Variants in ANTXR1 observed in about 807,000 individuals in gnomAD.
ANTXR1 encodes anthrax toxin receptor 1.
In ANTXR1, 19 loss-of-function variants were observed where a neutral mutation model predicts 78.1. The ratio of observed to expected loss-of-function variants is 0.24; its 90% CI spans 0.17 to 0.36. ANTXR1 has a LOEUF of 0.36. Ranked by LOEUF, ANTXR1 falls within the 10% of genes least tolerant of loss-of-function variation. ANTXR1 has a pLI of 1.00. For synonymous variants in ANTXR1, 273 were observed against 260.5 expected (o/e 1.05, Z -0.46); for missense variants, 518 against 718.6 (o/e 0.72, Z 3.19).
intron 3 of ANTXR1, among the ~76,000 whole-genome samples, chr2:69,055,173 C>A (rs1360139933): frequency 6.6e-6 from 1 of 152,124 alleles, no homozygotes. Context: ...CTGGACAAAT[C>A]CCACCTCAAA....
intron 17 of ANTXR1, among the ~76,000 whole-genome samples, chr2:69,209,575 A>C (rs1478224524): frequency 1.3e-5 from 2 of 152,380 alleles, no homozygotes; most frequent in Non-Finnish European, 2.9e-5. Context: ...AAACAGTGTG[A>C]TGAGTGGAAA....
chr2:69,081,425 C>T (rs546616014), intron 8 of ANTXR1, among the ~76,000 whole-genome samples: 3 of 152,310 alleles, frequency 2.0e-5, no homozygotes, highest in African/African-American at 7.2e-5. Context: ...CTTCAATCCT[C>T]TCTCCTTCAA....
chr2:69,125,668 C>T (rs1381200312), intron 12 of ANTXR1, among the ~76,000 whole-genome samples: 3 of 152,036 alleles, frequency 2.0e-5, no homozygotes, highest in Non-Finnish European at 4.4e-5. Flanking sequence ...TGGTGAAACC[C>T]TATCTCTACA....
chr2:69,121,865 C>T (rs1163503247), intron 10 of ANTXR1, among the ~76,000 whole-genome samples: 1 of 152,080 alleles, frequency 6.6e-6, no homozygotes, highest in Admixed American at 6.6e-5. Flanking sequence ...GTCTCTGGCC[C>T]CAGAAACTGG....
intron 17 of ANTXR1, among the ~76,000 whole-genome samples, chr2:69,243,677 CTTCA>C (rs1305322051): frequency 6.6e-6 from 1 of 152,132 alleles, no homozygotes; most frequent in Non-Finnish European, 1.5e-5. Context: ...ACCTCACCCT[CTTCA>C]TTCTCATTCA....
chr2:69,198,232 C>T lies in ANTXR1; in HGVS notation c.1434+4817C>T, dbSNP rs183954855. 4.6e-5 allele frequency among the ~76,000 whole-genome samples: 7 copies of T among 152,318 alleles called. No homozygotes were observed. The East Asian group carries it at 1.3e-3, about 29-fold the overall frequency. On this transcript the variant is annotated intron_variant, in intron 17 of 17. Transcript: ENST00000303714. ...AAAAGATTATACAAATTAACCCTCA[C>T]ATTAGCCCCCTATGAAACGCCCATC...
intron 13 of ANTXR1, among the ~76,000 whole-genome samples, chr2:69,156,648 A>T (rs1673533083): frequency 6.6e-6 from 1 of 152,238 alleles, no homozygotes; most frequent in African/African-American, 2.4e-5. Context: ...GGAGCGAGGC[A>T]TCTCACATGG....
chr2:69,105,595 G>C (rs1470449969), intron 10 of ANTXR1, among the ~76,000 whole-genome samples: 1 of 152,156 alleles, frequency 6.6e-6, no homozygotes, highest in African/African-American at 2.4e-5. Flanking sequence ...ACATTTTTCT[G>C]TCAACTTTAT....
Position 69,182,510 on chromosome 2 carries a change from G to C in ANTXR1, c.1203G>C (p.Lys401Asn), listed in dbSNP as rs772819184. 2 of 1,614,134 alleles carry C rather than the reference G, an allele frequency of 1.2e-6. No homozygotes were observed. Among genetic ancestry groups the C allele is most frequent in the Admixed American group, 3.3e-5 (2 of 60,022 alleles). Residue 401 changes from lysine to asparagine, a missense_variant, in exon 16 of 18, where the codon AAG becomes AAC. Lys to Asn is a moderately conservative substitution (Grantham distance 94, BLOSUM62 0). This residue lies in a region of ANTXR1 where 192 missense variants were observed against 230.2 expected (regional missense o/e 0.83). Coordinates refer to ENST00000303714, the MANE Select transcript of ANTXR1 (RefSeq NM_032208.3). ...IKRMEVRWGEKGSTEEGAKLE... is the reference protein window; with the variant it reads ...IKRMEVRWGENGSTEEGAKLE... ...TATTTTAGGTTCGTTGGGGAGAAAA[G>C]GGCTCCACAGAAGAAGGTGCTAAGT...
intron 12 of ANTXR1, among the ~76,000 whole-genome samples, chr2:69,142,201 A>G (rs958883183): frequency 2.6e-5 from 4 of 152,208 alleles, no homozygotes; most frequent in African/African-American, 9.6e-5. Flanking sequence ...GAATGAGACC[A>G]TGGAGGGGAA....
chr2:69,016,672 CAT>C (rs1262454361), intron 1 of ANTXR1, among the ~76,000 whole-genome samples: 3 of 152,320 alleles, frequency 2.0e-5, no homozygotes, highest in East Asian at 1.9e-4. Flanking sequence ...TAAACACACA[CAT>C]GTGTATGTCT....
intron 10 of ANTXR1, among the ~76,000 whole-genome samples, chr2:69,119,712 A>T (rs1672282161): frequency 6.6e-6 from 1 of 152,230 alleles, no homozygotes; most frequent in African/African-American, 2.4e-5. Context: ...GAAACGAAGC[A>T]CAGCTTCTAT....
chr2:69,019,651 T>G (rs1573772289), intron 1 of ANTXR1, among the ~76,000 whole-genome samples: 1 of 151,884 alleles, frequency 6.6e-6, no homozygotes, highest in African/African-American at 2.4e-5. Context: ...TGTCATGGAG[T>G]TTTGTTGTAC....
intron 10 of ANTXR1, among the ~76,000 whole-genome samples, chr2:69,118,776 C>T (rs1378231039): frequency 1.3e-5 from 2 of 152,194 alleles, no homozygotes; most frequent in African/African-American, 4.8e-5. Flanking sequence ...TGCCCTGCCT[C>T]CCAAATGGAG....
At chr2:69,132,150 G>C (rs970655867) in intron 12 of ANTXR1, among the ~76,000 whole-genome samples, 7 of 152,206 alleles carry the variant, frequency 4.6e-5, no homozygotes, top group Non-Finnish European at 8.8e-5. Context: ...GGCATGGCCT[G>C]AGCTCACCCT....
chr2:69,098,218 T>C (rs556101170), intron 9 of ANTXR1, among the ~76,000 whole-genome samples: 1 of 152,328 alleles, frequency 6.6e-6, no homozygotes, highest in African/African-American at 2.4e-5. Flanking sequence ...TCATACACTT[T>C]ATGTGCAAGT....
chr2:69,169,442 C>A (rs1673917487), intron 13 of ANTXR1, among the ~76,000 whole-genome samples: 1 of 152,174 alleles, frequency 6.6e-6, no homozygotes, highest in African/African-American at 2.4e-5. Flanking sequence ...GAGGGCTTTC[C>A]TTTTATGACA....
chr2:69,075,568 G>A lies in ANTXR1; in HGVS notation c.493-22G>A, dbSNP rs374047013. The A allele has an allele frequency of 2.5e-6, 4 of 1,612,966 alleles. No individual in the cohort carries two copies. The African/African-American group carries it at 5.3e-5, about 22-fold the overall frequency. ...ATTTGTCACTGCTTCTCTTTCTAAT[G>A]TCCTTTCTTTCCTTTTCCCAGGCTA... On this transcript the variant is annotated intron_variant, in intron 6 of 17. Transcript: ENST00000303714.
At chr2:69,119,067 C>A (rs1672254588) in intron 10 of ANTXR1, among the ~76,000 whole-genome samples, 1 of 151,970 alleles carries the variant, frequency 6.6e-6, no homozygotes, top group Non-Finnish European at 1.5e-5. Flanking sequence ...TTTGGTCTCC[C>A]AAGCAGAAAA....
Sources: gnomAD v4.1 joint callset for allele counts (sites outside exome capture counted in the v4.1 genomes callset) on GRCh38, gnomAD v4.1.1 for gene constraint, gnomAD v4.1.1 regional missense constraint, MANE v1.5 for transcripts, NCBI Gene and HGNC (gene_info 2026-07-23, HGNC 2026-07-21) for gene names.